The following RTL9 variants were observed in gnomAD, a reference collection of about 807,000 sequenced individuals.
RTL9 encodes the protein retrotransposon Gag-like protein 9.
In RTL9, 19 loss-of-function variants were observed where a neutral mutation model predicts 44.7. The ratio of observed to expected loss-of-function variants is 0.42; its 90% CI spans 0.30 to 0.62. The LOEUF (loss-of-function observed/expected upper bound fraction) is 0.62, where lower values mean the gene tolerates loss of function less well. Among genes scored for constraint, RTL9 ranks in the 20% least tolerant of loss-of-function variants. The probability of loss-of-function intolerance (pLI) is 0.16; values close to 1 mark genes in which losing one functional copy is unlikely to be tolerated. For missense variants in RTL9, 1,105 were observed against 1,080.6 expected, an observed-to-expected ratio of 1.02 and a Z score of -0.32; for synonymous variants, 407 against 398.9, an observed-to-expected ratio of 1.02 and a Z score of -0.24.
intron 1 of RTL9, among the ~76,000 whole-genome samples, chrX:110,410,765 A>G (rs1313717244): frequency 9.0e-6 from 1 of 111,183 alleles, no homozygotes; most frequent in Admixed American, 9.5e-5. Flanking sequence ...TCGTTTCAAG[A>G]TAACCTTTTG....
At chrX:110,453,435 C>A in exon 1 of RTL9, 1 of 1,211,766 alleles carries the variant, frequency 8.3e-7, no homozygotes, top group South Asian at 1.8e-5. Context: ...GTCCACTGCA[C>A]AAACAACAGC....
rs771130284 is a variant in RTL9, at chrX:110,453,979, C to T, written c.3362C>T (p.Ser1121Leu). ...ACAGCCTCTGGATCAAAGCCCACAT[C>T]GCACATGACTGCCACAACTCCTGAA... Residue 1121 changes from serine (S) to leucine (L), a missense_variant, in exon 1 of 2, where the codon TCG becomes TTG. Ser to Leu is a moderately radical substitution (Grantham distance 145, BLOSUM62 -2). Transcript: ENST00000540313. The T allele has an allele frequency of 1.7e-5, 20 of 1,210,245 alleles. No individual in the cohort carries two copies. The highest frequency in any genetic ancestry group is 6.5e-5 in the Admixed American group (3 of 45,844).
chrX:110,453,577 C>A (rs1416722915), exon 1 of RTL9: 4 of 1,212,098 alleles, frequency 3.3e-6, no homozygotes, highest in Non-Finnish European at 4.5e-6. Flanking sequence ...GCCTCTGGAG[C>A]AACGTCCACA....
At chrX:110,444,368 A>G (rs186411211) in intron 1 of RTL9, among the ~76,000 whole-genome samples, 1 of 112,542 alleles carries the variant, frequency 8.9e-6, no homozygotes, top group Non-Finnish European at 1.9e-5. Context: ...TTACAGGTAT[A>G]TGATCTTATC....
At chrX:110,390,034 T>C (rs2068484083) in intron 1 of RTL9, among the ~76,000 whole-genome samples, 1 of 111,979 alleles carries the variant, frequency 8.9e-6, no homozygotes, top group African/African-American at 3.2e-5. Context: ...AGTTGTTTTT[T>C]TTTCACTTGA....
intron 1 of RTL9, among the ~76,000 whole-genome samples, chrX:110,405,109 A>G (rs1462465462): frequency 1.7e-4 from 15 of 90,216 alleles, no homozygotes; most frequent in African/African-American, 6.1e-4. Flanking sequence ...CCCAAGCATG[A>G]GTCAGAGCCT....
At chrX:110,369,343 A>C (rs1363341951) in intron 1 of RTL9, among the ~76,000 whole-genome samples, 1 of 111,347 alleles carries the variant, frequency 9.0e-6, no homozygotes, top group East Asian at 2.8e-4. Flanking sequence ...GTAAAAGAAA[A>C]AAAGAAAAAA....
intron 1 of RTL9, among the ~76,000 whole-genome samples, chrX:110,399,257 C>T (rs2068548660): frequency 8.9e-6 from 1 of 112,604 alleles, no homozygotes; most frequent in Admixed American, 9.4e-5. Context: ...AAGGTAGGCA[C>T]ATTCAACCCC....
Position 110,454,067 on chromosome X carries a change from C to A in RTL9, c.3450C>A (p.Tyr1150Ter). The change falls in exon 1 of 2, where the codon TAC becomes TAA. Residue 1150 changes from tyrosine (Y) to a stop codon, truncating the protein, a stop_gained. Coordinates refer to ENST00000540313, the Ensembl canonical transcript of RTL9. LOFTEE classifies it high-confidence loss of function. The stretch of plus-strand genomic sequence containing the variant: ...GAATGTTGACCCCAGCACTCTGCTA[C>A]CTCTTAGAAGAGCAGGAAGCAGCCC... 1.7e-6 allele frequency: 2 copies of A among 1,212,026 alleles called. No individual in the cohort carries two copies. The highest frequency in any genetic ancestry group is 2.2e-6 in the Non-Finnish European group (2 of 895,524).
At chrX:110,454,428 C>A (rs1456180070) in exon 1 of RTL9, 6 of 1,210,187 alleles carry the variant, frequency 5.0e-6, no homozygotes, top group Non-Finnish European at 6.7e-6. Context: ...TGCCATTCTA[C>A]GGACCAGGTT....
At chrX:110,359,980 C>A (rs1271684555) in intron 1 of RTL9, among the ~76,000 whole-genome samples, 1 of 112,042 alleles carries the variant, frequency 8.9e-6, no homozygotes, top group Admixed American at 9.5e-5. Flanking sequence ...CCTTCACAAC[C>A]TTTATTGTGT....
At chrX:110,449,500 T>C (rs934928879), upstream of RTL9, among the ~76,000 whole-genome samples, 1 of 112,668 alleles carries the variant, frequency 8.9e-6, no homozygotes, top group East Asian at 2.8e-4. Flanking sequence ...TGTGTAATAT[T>C]TGCATTGGCT....
chrX:110,377,865 C>T (rs1326430192), intron 1 of RTL9, among the ~76,000 whole-genome samples: 2 of 108,121 alleles, frequency 1.8e-5, no homozygotes, highest in African/African-American at 3.4e-5. Flanking sequence ...AAAAATTAGC[C>T]GGGCGTGGTA....
intron 1 of RTL9, among the ~76,000 whole-genome samples, chrX:110,388,665 C>T (rs1167311784): frequency 8.9e-6 from 1 of 112,376 alleles, no homozygotes; most frequent in African/African-American, 3.2e-5. Context: ...ATTGCTATAT[C>T]CCACCCCTGA....
At chrX:110,447,111 C>CTTTTTTTTTTGTT (rs2068912482), upstream of RTL9, among the ~76,000 whole-genome samples, 1 of 36,827 alleles carries the variant, frequency 2.7e-5, no homozygotes, top group Non-Finnish European at 4.4e-5. Flanking sequence ...TATTCTGTGA[C>CTTTTTTTTTTGTT]TTTTTTTTTT....
At chrX:110,452,687 A>G (rs2068951731) in exon 1 of RTL9, 1 of 1,209,956 alleles carries the variant, frequency 8.3e-7, no homozygotes, top group Non-Finnish European at 1.1e-6. Flanking sequence ...CAGTCTCTGG[A>G]GGGATGTCCA....
Position 110,455,185 on chromosome X carries a change from C to CTT in RTL9, c.4048-13_4048-12dup, listed in dbSNP as rs768011973. On this transcript the variant is annotated splice_polypyrimidine_tract_variant and intron_variant, in intron 1 of 1. Coordinates refer to ENST00000540313, the Ensembl canonical transcript of RTL9. The stretch of plus-strand genomic sequence containing the variant: ...TAAGTGTGGCTCTTACCTCTGTTGT[C>CTT]TTTTTCTCACTCCCAGCACCAGCAT... 1.6e-5 allele frequency: 19 copies of CTT among 1,206,886 alleles called. No homozygotes were observed. In the African/African-American group the frequency reaches 3.2e-4, roughly 20 times the overall value.
rs139564635 is a variant in RTL9, at chrX:110,432,613, C to T, written c.-167-12540C>T. On this transcript the variant is annotated intron_variant, in intron 1 of 3. Coordinates refer to the RTL9 transcript ENST00000465301. The stretch of plus-strand genomic sequence containing the variant: ...CTGTATTGTGTGCTGGCTGCAGCCT[C>T]GCTGCTCTGAAACCCCTCCTGTCCC... Among the ~76,000 whole-genome samples, 162 of 112,204 alleles carry T rather than the reference C, an allele frequency of 1.4e-3. 3 individuals are homozygous for T. In the East Asian group the frequency reaches 0.031, roughly 21 times the overall value.
chrX:110,409,415 C>T (rs1180513093), intron 1 of RTL9, among the ~76,000 whole-genome samples: 1 of 111,698 alleles, frequency 9.0e-6, no homozygotes, highest in Non-Finnish European at 1.9e-5. Context: ...TTGCTGGTAT[C>T]AATCGTAGGG....
Sources: gnomAD v4.1 joint callset for allele counts (sites outside exome capture counted in the v4.1 genomes callset) on GRCh38, gnomAD v4.1.1 for gene constraint, MANE v1.5 for transcripts, NCBI Gene and HGNC (gene_info 2026-07-23, HGNC 2026-07-21) for gene names.